Variants in IDI1 observed in about 807,000 individuals in gnomAD.
IDI1 encodes the protein isopentenyl-diphosphate Delta-isomerase 1.
A neutral mutation model predicts 32.9 loss-of-function variants in IDI1; 23 were observed. The ratio of observed to expected loss-of-function variants is 0.70; its 90% CI spans 0.50 to 0.99. The LOEUF (loss-of-function observed/expected upper bound fraction) is 0.99. Ranked by LOEUF, IDI1 falls within the 50% of genes least tolerant of loss-of-function variation. The pLI, the probability that IDI1 is intolerant of heterozygous loss-of-function variation, is 0.00. For synonymous variants in IDI1, 133 were observed against 128.2 expected (o/e 1.04, Z -0.25); for missense variants, 326 against 351.9 (o/e 0.93, Z 0.59).
intron 1 of IDI1, 90 bp from the exon 2 acceptor site, chr10:1,044,261 T>C (rs1011153326): frequency 2.1e-6 from 2 of 963,380 alleles, no homozygotes; most frequent in Admixed American, 4.6e-5. Context: ...TGCTTCCCCA[T>C]CTGCAGTTGT....
chr10:1,042,192 G>A (rs78111156), intron 4 of IDI1, among the ~76,000 whole-genome samples: 7,065 of 152,054 alleles, frequency 0.046, 513 homozygotes, highest in African/African-American at 0.15. Context: ...TTATTTAAGG[G>A]GGACAATTCC....
At position 1,040,933 on chromosome 10, in the gene IDI1, C is replaced by G. The variant is rs1455075569; in HGVS notation, c.*254G>C. 1 of 352,020 alleles carries G rather than the reference C, an allele frequency of 2.8e-6. No homozygotes were observed. The highest frequency in any genetic ancestry group is 2.1e-5 in the African/African-American group (1 of 47,634). 21.8% of individuals were successfully genotyped at this position (352,020 alleles called of 1,614,324 possible). A position where few individuals can be genotyped will look rare whatever the true frequency, so the allele number is the denominator to read the frequency against. On this transcript the variant is annotated 3_prime_UTR_variant, in exon 5 of 5. Transcript: ENST00000381344. Reference sequence around the variant, plus strand: ...GATTAAATTAAGTTTTATTTGCTCGCTCTCATTTTACAATAATCTCTCACA... The same window carrying G: ...GATTAAATTAAGTTTTATTTGCTCGGTCTCATTTTACAATAATCTCTCACA...
In IDI1 at chr10:1,049,090, A is replaced by G. The variant is rs2131584968; in HGVS notation, c.-87T>C. 1.4e-6 allele frequency: 2 copies of G among 1,408,722 alleles called. No homozygotes were observed. Among genetic ancestry groups the G allele is most frequent in the Non-Finnish European group, 1.8e-6 (2 of 1,088,806 alleles). 87.3% of individuals were successfully genotyped at this position (1,408,722 alleles called of 1,614,324 possible). Reference sequence around the variant, plus strand: ...GGTGCCACCTCCCTGGCCTGTGACAACGGCAGACGCGCGAAGCACCGGGAA... The same window carrying G: ...GGTGCCACCTCCCTGGCCTGTGACAGCGGCAGACGCGCGAAGCACCGGGAA... On this transcript the variant is annotated 5_prime_UTR_variant, in exon 1 of 5. Coordinates refer to ENST00000381344, the MANE Select transcript of IDI1 (RefSeq NM_004508.4).
Position 1,048,896 on chromosome 10 carries a change from T to TC in IDI1, c.107dup (p.Pro37ThrfsTer24), listed in dbSNP as rs1236090806. 8 of 1,606,718 alleles carry TC rather than the reference T, an allele frequency of 5.0e-6. No individual in the cohort carries two copies. Among genetic ancestry groups the TC allele is most frequent in the Non-Finnish European group, 6.8e-6 (8 of 1,177,890 alleles). The stretch of plus-strand genomic sequence containing the variant: ...GCCTCCGGCCACAGACAACCGCCGG[T>TC]CCCGGATGGCGCCCGCTTTGAGCAC... On this transcript the variant is annotated frameshift_variant, in exon 1 of 5. Transcript: ENST00000381344. LOFTEE classifies it high-confidence loss of function.
Position 1,041,405 on chromosome 10 carries a change from T to C in IDI1, c.637A>G (p.Arg213Gly). The C allele has an allele frequency of 6.2e-7, 1 of 1,610,952 alleles. No homozygotes were observed. Among genetic ancestry groups the C allele is most frequent in the Non-Finnish European group, 8.5e-7 (1 of 1,177,264 alleles). The change falls in exon 5 of 5, where the codon AGG (arginine) becomes GGG (glycine). Residue 213 changes from arginine to glycine, a missense_variant. Arg to Gly is a moderately radical substitution (Grantham distance 125, BLOSUM62 -2). This residue lies in a region of IDI1 where 205 missense variants were observed against 273.5 expected (regional missense o/e 0.75). Coordinates refer to ENST00000381344, the MANE Select transcript of IDI1 (RefSeq NM_004508.4). Reference sequence around the variant, plus strand: ...TCTGGATTCAAAGTTACATTCTTCCTCACCAACAAAATGTAATCAATTTCA... The same window carrying C: ...TCTGGATTCAAAGTTACATTCTTCCCCACCAACAAAATGTAATCAATTTCA... Reference protein sequence around the residue: ...EHEIDYILLVRKNVTLNPDPN... With the variant: ...EHEIDYILLVGKNVTLNPDPN...
upstream of IDI1, chr10:1,049,472 T>TA (rs1398786298): frequency 9.3e-6 from 1 of 107,116 alleles, no homozygotes; most frequent in Non-Finnish European, 1.9e-5. Flanking sequence ...CTCCCCCCCC[T>TA]CCCCCCCCCC....
At chr10:1,051,389 G>A (rs555396330), upstream of IDI1, among the ~76,000 whole-genome samples, 148 of 152,202 alleles carry the variant, frequency 9.7e-4, 1 homozygote, top group Non-Finnish European at 2.0e-3. Context: ...TGAGAATTAT[G>A]TTCCTTGAAG....
intron 3 of IDI1, 58 bp from the exon 4 acceptor site, chr10:1,042,820 C>A: frequency 1.3e-6 from 2 of 1,492,402 alleles, no homozygotes; most frequent in South Asian, 2.3e-5. Context: ...TCTGAAAGAT[C>A]AAGAAAAAGT....
In IDI1 at chr10:1,044,081, C is replaced by G; in HGVS notation, c.231G>C (p.Met77Ile). 1 of 1,613,536 alleles carries G rather than the reference C, an allele frequency of 6.2e-7. No homozygotes were observed. Among genetic ancestry groups the G allele is most frequent in the Non-Finnish European group, 8.5e-7 (1 of 1,179,494 alleles). ...DKQQVQLLAE[M>I]CILIDENDNK... ...TGTCATTTTCATCAATAAGGATACA[C>G]ATCTCTGCCAGGAGTTGAACCTGTT... is the stretch of plus-strand genomic sequence containing the variant. The change falls in exon 2 of 5, where the codon ATG becomes ATC. Residue 77 changes from methionine (M) to isoleucine (I), a missense_variant. Physicochemically the swap from Met to Ile is conservative, Grantham distance 10. This residue lies in a region of IDI1 where 205 missense variants were observed against 273.5 expected (regional missense o/e 0.75). Coordinates refer to ENST00000381344, the MANE Select transcript of IDI1 (RefSeq NM_004508.4).
At chr10:1,042,787 G>T in intron 3 of IDI1, 25 bp from the exon 4 acceptor site, 2 of 1,600,610 alleles carry the variant, frequency 1.2e-6, no homozygotes, top group Non-Finnish European at 1.7e-6. Flanking sequence ...TACAGAGACA[G>T]ATCAACTTTT....
chr10:1,052,923 A>G (rs533943658), upstream of IDI1, among the ~76,000 whole-genome samples: 17 of 152,316 alleles, frequency 1.1e-4, no homozygotes, highest in South Asian at 1.9e-3. Flanking sequence ...TTCAACTCCA[A>G]TGAAAACCTA....
chr10:1,051,670 T>C (rs1201725894), upstream of IDI1, among the ~76,000 whole-genome samples: 5 of 152,236 alleles, frequency 3.3e-5, no homozygotes, highest in South Asian at 6.2e-4. Context: ...TTAAAGTTAA[T>C]ATTTTTTACT....
chr10:1,042,098 C>T (rs138149654), intron 4 of IDI1, among the ~76,000 whole-genome samples: 6,132 of 152,018 alleles, frequency 0.04, 437 homozygotes, highest in African/African-American at 0.14. Context: ...TGAGCCACCA[C>T]GACCGGCCCG....
At chr10:1,056,255 C>T in the IDI1 span, 1 of 152,266 alleles carries the variant, frequency 6.6e-6, no homozygotes, top group African/African-American at 2.4e-5. Flanking sequence ...ACGTAAAGAC[C>T]ATCATGCGAC....
chr10:1,053,870 C>T (rs538966949), upstream of IDI1, among the ~76,000 whole-genome samples: 1 of 152,096 alleles, frequency 6.6e-6, no homozygotes, highest in African/African-American at 2.4e-5. Context: ...GCTGGGACTA[C>T]AGGCATGAGC....
intron 1 of IDI1, among the ~76,000 whole-genome samples, chr10:1,044,400 C>G (rs904213502): frequency 7.9e-5 from 12 of 152,206 alleles, no homozygotes; most frequent in African/African-American, 2.9e-4. Context: ...GAAGGCCAAG[C>G]TCAACGTTCC....
chr10:1,056,039 T>G, the IDI1 span, among the ~76,000 whole-genome samples: 1 of 152,072 alleles, frequency 6.6e-6, no homozygotes, highest in Non-Finnish European at 1.5e-5. Context: ...GACCTCCTAA[T>G]CTCGTGATAC....
intron 4 of IDI1, 38 bp downstream of exon 4, chr10:1,042,594 G>A: frequency 6.2e-7 from 1 of 1,607,762 alleles, no homozygotes; most frequent in Non-Finnish European, 8.5e-7. Flanking sequence ...AGTATGTTTA[G>A]GTTTCAGCTT....
upstream of IDI1, chr10:1,049,479 C>CT (rs1832930368): frequency 6.3e-6 from 1 of 159,440 alleles, no homozygotes; most frequent in Non-Finnish European, 1.4e-5. Context: ...CCCTCCCCCC[C>CT]CCCGAGTTCC....
Sources: gnomAD v4.1 joint callset for allele counts (sites outside exome capture counted in the v4.1 genomes callset) on GRCh38, gnomAD v4.1.1 for gene constraint, gnomAD v4.1.1 regional missense constraint, MANE v1.5 for transcripts, NCBI Gene and HGNC (gene_info 2026-07-23, HGNC 2026-07-21) for gene names.